Variants in RCOR3 observed in about 807,000 individuals in gnomAD.
RCOR3 encodes the protein REST corepressor 3.
A neutral mutation model predicts 64.1 loss-of-function variants in RCOR3; 13 were observed. The ratio of observed to expected loss-of-function variants is 0.20; its 90% confidence interval spans 0.13 to 0.32. The LOEUF (loss-of-function observed/expected upper bound fraction) is 0.32, where lower values mean the gene tolerates loss of function less well. Among genes scored for constraint, RCOR3 ranks in the 10% least tolerant of loss-of-function variants. The pLI, the probability that RCOR3 is intolerant of heterozygous loss-of-function variation, is 1.00. For missense variants in RCOR3, 489 were observed against 701.2 expected, an observed-to-expected ratio of 0.70 and a Z score of 3.42; for synonymous variants, 215 against 239.0, an observed-to-expected ratio of 0.90 and a Z score of 0.93.
At chr1:211,307,946 G>A (rs1701027344) in intron 10 of RCOR3, among the ~76,000 whole-genome samples, 1 of 151,970 alleles carries the variant, frequency 6.6e-6, no homozygotes, top group Admixed American at 6.6e-5. Context: ...TTTTCTTGTA[G>A]TTCATTCACC....
Position 211,304,072 on chromosome 1 carries a change from T to C in RCOR3, c.1018-11T>C, listed in dbSNP as rs1700637328. ...ATATCCTCATTAGGAAACTTCTCTT[T>C]AATTTTGTAGTCAAATCAGAAAATT... is the stretch of plus-strand genomic sequence containing the variant. On this transcript the variant is annotated splice_polypyrimidine_tract_variant and intron_variant, in intron 9 of 11. Coordinates refer to ENST00000419091, the MANE Select transcript of RCOR3 (RefSeq NM_001136223.3). 6.3e-7 allele frequency: 1 copy of C among 1,594,994 alleles called. No homozygotes were observed. Among genetic ancestry groups the C allele is most frequent in the Non-Finnish European group, 8.5e-7 (1 of 1,172,198 alleles).
rs766487868 is a variant in RCOR3 at position 211,312,900 on chromosome 1, G to C, written c.1256G>C (p.Gly419Ala). The C allele has an allele frequency of 9.9e-6, 16 of 1,614,120 alleles. No individual in the cohort carries two copies. The highest frequency in any genetic ancestry group is 1.4e-5 in the Non-Finnish European group (16 of 1,180,014). Residue 419 changes from glycine (G) to alanine (A), a missense_variant, in exon 11 of 12, where the codon GGG (glycine) becomes GCG (alanine). Around this residue, in one of 2 missense-constraint regions of RCOR3, gnomAD observed 402 missense variants for 617.0 expected, o/e 0.65. Transcript: ENST00000419091. This position sits in a 1 kb window ranked among gnomAD's most constrained non-coding sequence, Gnocchi z 5.0. ...TCTAATGGTGATGCTTCTACTTTAG[G>C]GGAGGAGACAAAAAGTGCTTCTAAT... Reference protein sequence around the residue: ...QASNGDASTLGEETKSASNVP... With the variant: ...QASNGDASTLAEETKSASNVP...
intron 9 of RCOR3, among the ~76,000 whole-genome samples, chr1:211,297,328 C>T (rs1699944668): frequency 6.6e-6 from 1 of 151,992 alleles, no homozygotes; most frequent in African/African-American, 2.4e-5. Flanking sequence ...ATAGGTGAAC[C>T]AGATACTATT....
chr1:211,289,068 T>A (rs763243878), intron 7 of RCOR3, 110 bp from the exon 8 acceptor site: 2 of 792,680 alleles, frequency 2.5e-6, no homozygotes, highest in Non-Finnish European at 4.2e-6. Flanking sequence ...GTTAGAAGTG[T>A]TTTTTTATGT....
At chr1:211,266,792 A>G (rs1266768097) in intron 2 of RCOR3, among the ~76,000 whole-genome samples, 1 of 152,244 alleles carries the variant, frequency 6.6e-6, no homozygotes, top group Non-Finnish European at 1.5e-5. Context: ...GGTAAAACTT[A>G]TTGGACACAA....
intron 7 of RCOR3, among the ~76,000 whole-genome samples, chr1:211,284,794 T>C (rs11581409): frequency 0.23 from 34,440 of 152,152 alleles, 4,442 homozygotes; most frequent in African/African-American, 0.34. Context: ...AGTGCTGGGA[T>C]AACAGGTGTG....
chr1:211,260,199 C>T (rs199918332), intron 2 of RCOR3, 35 bp downstream of exon 2: 13 of 1,598,048 alleles, frequency 8.1e-6, no homozygotes, highest in East Asian at 2.2e-5. Flanking sequence ...TCTCATATCC[C>T]CTTTCCTGGG....
chr1:211,270,857 C>CTTT (rs1420971089), intron 2 of RCOR3, among the ~76,000 whole-genome samples: 10 of 142,046 alleles, frequency 7.0e-5, no homozygotes, highest in African/African-American at 2.6e-4. Context: ...ATAAAGCTTA[C>CTTT]TTTTTTTTTT....
Position 211,313,159 on chromosome 1 carries a change from T to A in RCOR3, c.1317+198T>A. The A allele has an allele frequency of 6.9e-7, 1 of 1,453,592 alleles. No individual in the cohort carries two copies. Among genetic ancestry groups the A allele is most frequent in the Non-Finnish European group, 9.0e-7 (1 of 1,111,144 alleles). The allele number at this position is 1,453,592 out of a possible 1,614,324, so 90.0% of individuals were successfully genotyped here. A position where few individuals can be genotyped will look rare whatever the true frequency, so the allele number is the denominator to read the frequency against. On this transcript the variant is annotated intron_variant, in intron 11 of 11. Transcript: ENST00000419091. The surrounding 1 kb of genome is among the most constrained non-coding windows in gnomAD (Gnocchi z 4.7). The stretch of plus-strand genomic sequence containing the variant: ...GTTCTGATTCTAGAAGAATGGAGAG[T>A]GTATTGTTCTTTCATAGTCTTATTT...
At chr1:211,301,672 C>T (rs2102633130) in intron 9 of RCOR3, 1 of 152,260 alleles carries the variant, frequency 6.6e-6, no homozygotes, top group East Asian at 1.9e-4. Context: ...CCAACCTTTC[C>T]TTGTTCTGTT....
At chr1:211,290,604 C>T (rs1699134210) in intron 8 of RCOR3, among the ~76,000 whole-genome samples, 1 of 152,086 alleles carries the variant, frequency 6.6e-6, no homozygotes, top group Admixed American at 6.6e-5. Flanking sequence ...TCTCAAACTC[C>T]TGGGCTCAAG....
chr1:211,315,316 C>T lies in RCOR3; in HGVS notation c.*1548C>T, dbSNP rs1253621241. On this transcript the variant is annotated 3_prime_UTR_variant, in exon 12 of 12. Coordinates refer to ENST00000419091, the MANE Select transcript of RCOR3 (RefSeq NM_001136223.3). The stretch of plus-strand genomic sequence containing the variant: ...CCCAAAGTATTCCCTATTGTTGGCT[C>T]CACAGCCTTAAAGTGCTATAGATTT... 2 of 152,140 alleles carry T rather than the reference C, an allele frequency of 1.3e-5. No individual in the cohort carries two copies. The highest frequency in any genetic ancestry group is 3.9e-4 in the East Asian group (2 of 5,194). The allele number at this position is 152,140 out of a possible 1,614,324, so 9.4% of individuals were successfully genotyped here.
chr1:211,278,402 A>C (rs1421800083), intron 6 of RCOR3, among the ~76,000 whole-genome samples, 161 bp downstream of exon 6: 1 of 152,226 alleles, frequency 6.6e-6, no homozygotes, highest in Non-Finnish European at 1.5e-5. Context: ...TAGAAGTTTT[A>C]ATATTAAGAG....
At chr1:211,260,911 C>CT (rs1436569449) in intron 2 of RCOR3, 3 of 152,284 alleles carry the variant, frequency 2.0e-5, no homozygotes, top group Non-Finnish European at 4.4e-5. Flanking sequence ...GGCTCCCTGT[C>CT]TACTTTTCTC....
Position 211,312,652 on chromosome 1 carries a change from A to G in RCOR3, c.1076-68A>G, listed in dbSNP as rs1044347648. On this transcript the variant is annotated intron_variant, in intron 10 of 11. Coordinates refer to ENST00000419091, the MANE Select transcript of RCOR3 (RefSeq NM_001136223.3). This position sits in a 1 kb window ranked among gnomAD's most constrained non-coding sequence, Gnocchi z 5.0. ...CATTGCTGGTATCTTTTGTGTGTGC[A>G]TGATGTATAGTACACACAGCTCTCC... 5 of 1,044,276 alleles carry G rather than the reference A, an allele frequency of 4.8e-6. No homozygotes were observed. Among genetic ancestry groups the G allele is most frequent in the Non-Finnish European group, 4.4e-6 (3 of 679,276 alleles). The allele number at this position is 1,044,276 out of a possible 1,614,324, so 64.7% of individuals were successfully genotyped here.
chr1:211,278,393 A>G lies in RCOR3; in HGVS notation c.641+152A>G, dbSNP rs1298992674. The G allele has an allele frequency of 7.1e-6, 6 of 848,580 alleles. No individual in the cohort carries two copies. In the African/African-American group the frequency reaches 8.9e-5, roughly 13 times the overall value. The allele number at this position is 848,580 out of a possible 1,614,324, so 52.6% of individuals were successfully genotyped here. On this transcript the variant is annotated intron_variant, in intron 6 of 11. Coordinates refer to ENST00000419091, the MANE Select transcript of RCOR3 (RefSeq NM_001136223.3). ...CTCTGACAAGAAGAGCCAAGTGGTT[A>G]GAAGTTTTAATATTAAGAGCTCTTT...
At position 211,259,477 on chromosome 1, in the gene RCOR3, CCTCCCGCCCGCGCTCT is replaced by C. The variant is rs1693780124; in HGVS notation, c.-83_-68del. On this transcript the variant is annotated 5_prime_UTR_variant, in exon 1 of 12. Coordinates refer to ENST00000419091, the MANE Select transcript of RCOR3 (RefSeq NM_001136223.3). ...GCCGTCTCCTCCTCCTCCTCCTTTC[CCTCCCGCCCGCGCTCT>C]AAGCCATCTCCGCCTTCACCCTGAC... 1.4e-6 allele frequency: 2 copies of C among 1,385,546 alleles called. No individual in the cohort carries two copies. Among genetic ancestry groups the C allele is most frequent in the Middle Eastern group, 1.9e-4 (1 of 5,222 alleles). 85.8% of individuals were successfully genotyped at this position (1,385,546 alleles called of 1,614,324 possible). A position where few individuals can be genotyped will look rare whatever the true frequency, so the allele number is the denominator to read the frequency against.
chr1:211,312,652 ATGATGTAT>A lies in RCOR3; in HGVS notation c.1076-67_1076-60del. On this transcript the variant is annotated intron_variant, in intron 10 of 11. Transcript: ENST00000419091. This position sits in a 1 kb window ranked among gnomAD's most constrained non-coding sequence, Gnocchi z 5.0. ...CATTGCTGGTATCTTTTGTGTGTGCATGATGTATAGTACACACAGCTCTCCTTATTGAT... is the reference window on the plus strand; with the variant it reads ...CATTGCTGGTATCTTTTGTGTGTGCAAGTACACACAGCTCTCCTTATTGAT... The A allele has an allele frequency of 9.6e-7, 1 of 1,044,276 alleles. No individual in the cohort carries two copies. Among genetic ancestry groups the A allele is most frequent in the Non-Finnish European group, 1.5e-6 (1 of 679,276 alleles). 64.7% of individuals were successfully genotyped at this position (1,044,276 alleles called of 1,614,324 possible).
chr1:211,293,455 G>T (rs951762175), intron 8 of RCOR3, among the ~76,000 whole-genome samples: 7 of 152,068 alleles, frequency 4.6e-5, no homozygotes, highest in Non-Finnish European at 1.0e-4. Context: ...GCGTTATTCT[G>T]CCTGGAATGC....
Sources: allele counts gnomAD v4.1 joint callset (sites outside exome capture counted in the v4.1 genomes callset), GRCh38; gene constraint gnomAD v4.1.1; regional missense constraint gnomAD v4.1.1; non-coding constraint Gnocchi (gnomAD v3.1); transcripts MANE v1.5; gene names NCBI Gene and HGNC (gene_info 2026-07-23, HGNC 2026-07-21).